USP53: variants seen among roughly 807,000 people sequenced by gnomAD.
USP53 encodes ubiquitin specific peptidase 53, also known as ubiquitin carboxyl-terminal hydrolase 53.
In USP53, 71 loss-of-function variants were observed where a neutral mutation model predicts 94.9. The observed-to-expected ratio is 0.75, with a 90% CI of 0.62 to 0.91. The LOEUF is 0.91. Ranked by LOEUF, USP53 falls within the 40% of genes least tolerant of loss-of-function variation. The pLI is 0.00. For missense variants in USP53, 1,173 were observed against 1,281.0 expected (o/e 0.92, Z 1.29); for synonymous variants, 375 against 422.7 (o/e 0.89, Z 1.39).
At chr4:119,264,624 C>A (rs747079152) in intron 12 of USP53, among the ~76,000 whole-genome samples, 5 of 152,136 alleles carry the variant, frequency 3.3e-5, no homozygotes, top group Non-Finnish European at 7.4e-5. Flanking sequence ...AAATTTAATT[C>A]ATAATGAGAT....
intron 10 of USP53, 45 bp from the exon 11 acceptor site, chr4:119,260,462 G>T (rs1389103367): frequency 5.7e-6 from 9 of 1,568,404 alleles, no homozygotes; most frequent in Admixed American, 1.8e-5. Flanking sequence ...AGGCTGCCTG[G>T]TTTATCTGTT....
chr4:119,284,663 G>A (rs1753879091), intron 17 of USP53, among the ~76,000 whole-genome samples: 1 of 151,740 alleles, frequency 6.6e-6, no homozygotes, highest in African/African-American at 2.4e-5. Flanking sequence ...CAAGTAAAAA[G>A]TTAAAAGATT....
chr4:119,261,339 T>C (rs1358987516), intron 11 of USP53, among the ~76,000 whole-genome samples: 1 of 152,194 alleles, frequency 6.6e-6, no homozygotes, highest in Non-Finnish European at 1.5e-5. Context: ...TGGATAATTA[T>C]CTTTTAGATA....
At chr4:119,227,256 T>C (rs1436077195) in intron 3 of USP53, among the ~76,000 whole-genome samples, 4 of 125,080 alleles carry the variant, frequency 3.2e-5, no homozygotes, top group Non-Finnish European at 4.9e-5. Flanking sequence ...TGTCTAACAC[T>C]ACACACACAC....
At position 119,271,522 on chromosome 4, in the gene USP53, T is replaced by C. The variant is rs1007709464; in HGVS notation, c.1662T>C (p.Asn554=). The C allele has an allele frequency of 6.2e-7, 1 of 1,613,480 alleles. No homozygotes were observed. Reference sequence around the variant, plus strand: ...TAACTGGCAAAGTTAAGAGTGACAATGGCACTGGATATGACACAGACAGCA... The same window carrying C: ...TAACTGGCAAAGTTAAGAGTGACAACGGCACTGGATATGACACAGACAGCA... The part of the protein sequence containing the change: ...EKITGKVKSD[N]GTGYDTDSSQ... Residue 554 remains asparagine (N), a synonymous_variant, in exon 16 of 19, where the codon AAT becomes AAC. Transcript: ENST00000692078.
chr4:119,283,521 ATTAG>A (rs919034247), intron 17 of USP53, among the ~76,000 whole-genome samples: 3 of 151,912 alleles, frequency 2.0e-5, no homozygotes, highest in Admixed American at 6.6e-5. Flanking sequence ...TGGGAGAAAA[ATTAG>A]TTAGATGATG....
chr4:119,243,756 G>C (rs1160845149), intron 5 of USP53, among the ~76,000 whole-genome samples: 1 of 152,110 alleles, frequency 6.6e-6, no homozygotes, highest in Non-Finnish European at 1.5e-5. Context: ...ATTATAGAGG[G>C]TATTTTAGCT....
At chr4:119,250,331 T>A (rs1748801656) in intron 7 of USP53, among the ~76,000 whole-genome samples, 1 of 152,194 alleles carries the variant, frequency 6.6e-6, no homozygotes, top group Non-Finnish European at 1.5e-5. Flanking sequence ...CAATCCATTC[T>A]CTGTAGAATT....
chr4:119,279,792 A>G (rs974212400), intron 17 of USP53, among the ~76,000 whole-genome samples: 7 of 152,208 alleles, frequency 4.6e-5, no homozygotes, highest in Admixed American at 2.0e-4. Context: ...GGTGTGGGAT[A>G]TAATCTCGTG....
chr4:119,293,002 A>C lies in USP53; in HGVS notation c.3013A>C (p.Asn1005His). The change falls in exon 19 of 19, where the codon AAC (asparagine) becomes CAC (histidine). Residue 1005 changes from asparagine to histidine, a missense_variant. Transcript: ENST00000692078. ...AAACTGTCCATCCAGCTCCTCAACT[A>C]ACGATTTTCAGGCAAACTCAGGTGC... is the stretch of plus-strand genomic sequence containing the variant. ...TPNCPSSSST[N>H]DFQANSGAID... 4 of 1,614,122 alleles carry C rather than the reference A, an allele frequency of 2.5e-6. No individual in the cohort carries two copies. The highest frequency in any genetic ancestry group is 3.4e-6 in the Non-Finnish European group (4 of 1,179,964).
At chr4:119,262,395 G>A (rs28374891) in intron 12 of USP53, among the ~76,000 whole-genome samples, 43,848 of 151,828 alleles carry the variant, frequency 0.29, 6,485 homozygotes, top group East Asian at 0.38. Context: ...TACCACTTTC[G>A]ACTCCCTCAA....
chr4:119,239,944 T>C, intron 5 of USP53, 41 bp downstream of exon 5: 1 of 1,362,928 alleles, frequency 7.3e-7, no homozygotes, highest in Non-Finnish European at 9.5e-7. Flanking sequence ...AAAATACTTT[T>C]CAGAAAATCC....
At chr4:119,277,696 G>A (rs974027287) in intron 17 of USP53, among the ~76,000 whole-genome samples, 1 of 147,972 alleles carries the variant, frequency 6.8e-6, no homozygotes, top group East Asian at 2.0e-4. Flanking sequence ...TGTTGACAGT[G>A]GGGGGTTAAA....
At chr4:119,235,724 G>T (rs1746649777) in intron 4 of USP53, among the ~76,000 whole-genome samples, 1 of 152,108 alleles carries the variant, frequency 6.6e-6, no homozygotes, top group Non-Finnish European at 1.5e-5. Flanking sequence ...TACCAGATAT[G>T]CTCCAACCCT....
intron 3 of USP53, chr4:119,220,940 C>T (rs1049567177): frequency 1.3e-5 from 2 of 152,234 alleles, no homozygotes; most frequent in Admixed American, 1.3e-4. Context: ...GCCAAACTGA[C>T]CTAACAGGAT....
chr4:119,218,106 T>C (rs1334005743), intron 3 of USP53: 1 of 152,074 alleles, frequency 6.6e-6, no homozygotes, highest in Non-Finnish European at 1.5e-5. Context: ...ATTGTTGAAG[T>C]GGAGGTGGTG....
intron 17 of USP53, among the ~76,000 whole-genome samples, chr4:119,288,938 C>CA (rs35580805): frequency 0.01 from 1,096 of 106,968 alleles, 8 homozygotes; most frequent in Non-Finnish European, 0.016. Context: ...AACTCTGTCT[C>CA]AAAAAAAAAA....
intron 3 of USP53, chr4:119,218,220 G>A (rs1721191187): frequency 6.6e-6 from 1 of 152,184 alleles, no homozygotes; most frequent in Admixed American, 6.5e-5. Context: ...TGGCTGAGAT[G>A]GGGAGGAAGG....
intron 17 of USP53, among the ~76,000 whole-genome samples, chr4:119,285,876 C>G (rs1754047892): frequency 6.6e-6 from 1 of 151,830 alleles, no homozygotes; most frequent in Non-Finnish European, 1.5e-5. Flanking sequence ...CACCAAATGG[C>G]TACCTATGTA....
Sources: gnomAD v4.1 joint callset for allele counts (sites outside exome capture counted in the v4.1 genomes callset) on GRCh38, gnomAD v4.1.1 for gene constraint, MANE v1.5 for transcripts, NCBI Gene and HGNC (gene_info 2026-07-23, HGNC 2026-07-21) for gene names.